Variants in JAK1 observed in about 807,000 individuals in gnomAD.
The protein encoded by JAK1 is tyrosine-protein kinase JAK1.
Under a neutral mutation model 136.6 loss-of-function variants are expected in JAK1, and 16 were observed. The observed-to-expected ratio is 0.12, with a 90% confidence interval of 0.08 to 0.18. The LOEUF (loss-of-function observed/expected upper bound fraction) is 0.18. Among genes scored for constraint, JAK1 ranks in the 10% least tolerant of loss-of-function variants. The probability of loss-of-function intolerance (pLI) is 1.00; values close to 1 mark genes in which losing one functional copy is unlikely to be tolerated. For missense variants in JAK1, 859 were observed against 1,450.1 expected (o/e 0.59, Z 6.62); for synonymous variants, 492 against 519.5 (o/e 0.95, Z 0.72).
intron 2 of JAK1, among the ~76,000 whole-genome samples, chr1:65,031,522 T>G (rs1647023663): frequency 6.6e-6 from 1 of 152,190 alleles, no homozygotes; most frequent in South Asian, 2.1e-4. Context: ...CACTGCATGG[T>G]CTAAGACTGG....
chr1:65,053,176 T>C (rs950195035), intron 1 of JAK1, among the ~76,000 whole-genome samples: 5 of 147,170 alleles, frequency 3.4e-5, no homozygotes, highest in Non-Finnish European at 7.4e-5. Context: ...CGAAACCCCA[T>C]CTCTAAGAAA....
intron 4 of JAK1, among the ~76,000 whole-genome samples, chr1:64,874,870 T>C (rs1231337127): frequency 6.6e-6 from 1 of 152,116 alleles, no homozygotes; most frequent in Non-Finnish European, 1.5e-5. Context: ...TGTGGAGGGC[T>C]CTCAGGCATG....
At chr1:64,962,805 C>T (rs995376582) in intron 1 of JAK1, among the ~76,000 whole-genome samples, 1 of 152,158 alleles carries the variant, frequency 6.6e-6, no homozygotes, top group African/African-American at 2.4e-5. Flanking sequence ...CGGTGGCTCA[C>T]GCCTGTAATC....
intron 5 of JAK1, among the ~76,000 whole-genome samples, chr1:64,869,861 T>C (rs1233044351): frequency 6.6e-6 from 1 of 152,196 alleles, no homozygotes; most frequent in Non-Finnish European, 1.5e-5. Flanking sequence ...TAGATGGCCT[T>C]GTCTAGGAGC....
Position 64,866,959 on chromosome 1 carries a change from C to T in JAK1, c.897G>A (p.Met299Ile), listed in dbSNP as rs772923219. Residue 299 changes from methionine to isoleucine, a missense_variant, in exon 7 of 25, where the codon ATG becomes ATA. Met to Ile is a conservative substitution (Grantham distance 10, BLOSUM62 1). Transcript: ENST00000342505. ...SMLLISSENE[M>I]NWFHSNDGGN... is the part of the protein sequence containing the mutation. ...CACCGTCATTCGAATGAAACCAATT[C>T]ATCTCATTTTCTGATGAAATCAGTA... 5 of 1,614,150 alleles carry T rather than the reference C, an allele frequency of 3.1e-6. No individual in the cohort carries two copies.
intron 1 of JAK1, among the ~76,000 whole-genome samples, chr1:64,900,035 T>C (rs972016387): frequency 2.6e-5 from 4 of 152,220 alleles, no homozygotes; most frequent in Admixed American, 6.5e-5. Flanking sequence ...AGAGATTTTC[T>C]AAGTGTTCTG....
intron 1 of JAK1, among the ~76,000 whole-genome samples, chr1:65,049,904 G>A (rs905381129): frequency 1.3e-5 from 2 of 152,128 alleles, no homozygotes; most frequent in Non-Finnish European, 2.9e-5. Flanking sequence ...GCTCCGCTTC[G>A]CTGAGAGAAG....
intron 2 of JAK1, among the ~76,000 whole-genome samples, chr1:65,027,752 C>T (rs1203162891): frequency 6.6e-6 from 1 of 152,160 alleles, no homozygotes. Flanking sequence ...AAGGATTGCC[C>T]TCAAAAAAGT....
At chr1:65,049,850 A>G (rs478665) in intron 1 of JAK1, among the ~76,000 whole-genome samples, 9,416 of 152,210 alleles carry the variant, frequency 0.062, 537 homozygotes, top group East Asian at 0.32. Flanking sequence ...TTTCTGGGAT[A>G]GTGGCTTACC....
At chr1:64,917,645 A>C (rs1645422896) in intron 1 of JAK1, among the ~76,000 whole-genome samples, 1 of 152,136 alleles carries the variant, frequency 6.6e-6, no homozygotes, top group Non-Finnish European at 1.5e-5. Context: ...TTTCTTAATC[A>C]TGCACTGATG....
intron 1 of JAK1, among the ~76,000 whole-genome samples, chr1:64,950,931 C>T (rs1646074560): frequency 6.6e-6 from 1 of 152,192 alleles, no homozygotes; most frequent in African/African-American, 2.4e-5. Flanking sequence ...TATTTCTCCA[C>T]TGTAAAATCA....
chr1:65,041,534 T>G (rs990255929), intron 2 of JAK1, among the ~76,000 whole-genome samples: 3 of 152,146 alleles, frequency 2.0e-5, no homozygotes, highest in African/African-American at 4.8e-5. Flanking sequence ...TCCTACCTGA[T>G]GGCCTCTGTG....
chr1:65,056,413 GAAC>G (rs1647540399), intron 1 of JAK1, among the ~76,000 whole-genome samples: 1 of 152,160 alleles, frequency 6.6e-6, no homozygotes, highest in Admixed American at 6.5e-5. Context: ...ACACTAAAGG[GAAC>G]TGCAATCACC....
At chr1:65,007,568 C>A (rs1030967945) in intron 2 of JAK1, among the ~76,000 whole-genome samples, 2 of 152,160 alleles carry the variant, frequency 1.3e-5, no homozygotes, top group Non-Finnish European at 2.9e-5. Flanking sequence ...TCAAGCAATT[C>A]TCTTGCCTCA....
chr1:65,038,200 T>G (rs1371025122), intron 2 of JAK1, among the ~76,000 whole-genome samples: 1 of 139,762 alleles, frequency 7.2e-6, no homozygotes, highest in East Asian at 2.0e-4. Context: ...TTTCTTTTCT[T>G]TTTTTTTTTT....
At chr1:65,051,812 A>G (rs1338365953) in intron 1 of JAK1, among the ~76,000 whole-genome samples, 1 of 152,232 alleles carries the variant, frequency 6.6e-6, no homozygotes, top group African/African-American at 2.4e-5. Context: ...GTAATAGTCT[A>G]AATGCACAAA....
intron 2 of JAK1, among the ~76,000 whole-genome samples, chr1:64,885,128 T>C (rs1162680169): frequency 6.6e-6 from 1 of 152,200 alleles, no homozygotes; most frequent in Non-Finnish European, 1.5e-5. Flanking sequence ...ATTTTAACTG[T>C]TTAATTTCCA....
intron 2 of JAK1, among the ~76,000 whole-genome samples, chr1:65,009,880 C>A (rs1462536619): frequency 6.6e-6 from 1 of 152,168 alleles, no homozygotes; most frequent in Non-Finnish European, 1.5e-5. Context: ...TATGCAAAAG[C>A]ATTTTTGTAT....
intron 1 of JAK1, among the ~76,000 whole-genome samples, chr1:64,921,107 A>T (rs1261055194): frequency 2.0e-5 from 3 of 152,212 alleles, no homozygotes; most frequent in Non-Finnish European, 4.4e-5. Flanking sequence ...TTTTCAGAGT[A>T]ACTCATAAGC....
Sources: allele counts gnomAD v4.1 joint callset (sites outside exome capture counted in the v4.1 genomes callset), GRCh38; gene constraint gnomAD v4.1.1; transcripts MANE v1.5; gene names NCBI Gene and HGNC (gene_info 2026-07-23, HGNC 2026-07-21).